Variants in GPR107 observed in about 807,000 individuals in gnomAD.
GPR107 encodes protein GPR107.
In GPR107, 31 loss-of-function variants were observed where a neutral mutation model predicts 75.5. That is an observed-to-expected ratio of 0.41 (90% CI 0.31 to 0.55). The LOEUF (loss-of-function observed/expected upper bound fraction) is 0.55, where lower values mean the gene tolerates loss of function less well. GPR107 is among the 20% of genes least tolerant of loss of function. GPR107 has a pLI of 0.26. For missense variants in GPR107, 572 were observed against 665.7 expected (o/e 0.86, Z 1.55); for synonymous variants, 267 against 251.3 (o/e 1.06, Z -0.59).
Position 130,112,794 on chromosome 9 carries a change from G to A in GPR107, c.1306+5255G>A, listed in dbSNP as rs116618984. 8.1e-3 allele frequency among the ~76,000 whole-genome samples: 1,232 copies of A among 152,108 alleles called. 24 individuals are homozygous for A. Among genetic ancestry groups the A allele is most frequent in the African/African-American group, 0.028 (1,178 of 41,472 alleles). ...AGACAGGGTCTTGCACTGTTGCCCA[G>A]GCTGGAGTCCAGTGGTGTAATCTTG... is the stretch of plus-strand genomic sequence containing the variant. On this transcript the variant is annotated intron_variant, in intron 14 of 17. Transcript: ENST00000347136. This position sits in a 1 kb window ranked among gnomAD's most constrained non-coding sequence, Gnocchi z 4.0.
At chr9:130,093,918 G>A (rs928752420) in intron 9 of GPR107, among the ~76,000 whole-genome samples, 1 of 152,084 alleles carries the variant, frequency 6.6e-6, no homozygotes, top group Non-Finnish European at 1.5e-5. Flanking sequence ...GGGTTCAAGC[G>A]ATTCTGGTGC....
chr9:130,078,053 T>C (rs562959897), intron 4 of GPR107, among the ~76,000 whole-genome samples: 13 of 151,750 alleles, frequency 8.6e-5, no homozygotes, highest in African/African-American at 3.1e-4. Flanking sequence ...TAGTCCCAGC[T>C]ATTCGGGAGG....
intron 14 of GPR107, chr9:130,108,768 G>A (rs1183491333): frequency 2.2e-6 from 1 of 455,866 alleles, no homozygotes; most frequent in Non-Finnish European, 4.4e-6. Flanking sequence ...TCCCCTCAAA[G>A]ATACCAGGTT....
At chr9:130,075,832 G>C in intron 2 of GPR107, 83 bp downstream of exon 2, 3 of 684,110 alleles carry the variant, frequency 4.4e-6, no homozygotes, top group Non-Finnish European at 5.1e-6. Context: ...ACCCAGGCTG[G>C]AGTGCGGTGG....
In GPR107 at chr9:130,138,033, G is replaced by A. The variant is rs1486193499; in HGVS notation, c.*2912G>A. 1 of 152,210 alleles carries A rather than the reference G, an allele frequency of 6.6e-6. No individual in the cohort carries two copies. Among genetic ancestry groups the A allele is most frequent in the Non-Finnish European group, 1.5e-5 (1 of 68,044 alleles). The allele number at this position is 152,210 out of a possible 1,614,324, so 9.4% of individuals were successfully genotyped here. A position where few individuals can be genotyped will look rare whatever the true frequency, so the allele number is the denominator to read the frequency against. On this transcript the variant is annotated 3_prime_UTR_variant, in exon 18 of 18. Transcript: ENST00000347136. ...TAGAAAATTATTTCTTGGACAATAG[G>A]AACAGTCATTGATCTGTAAATCCTG...
At position 130,127,465 on chromosome 9, in the gene GPR107, T is replaced by G. The variant is rs1176416003; in HGVS notation, c.1357-18T>G. On this transcript the variant is annotated intron_variant, in intron 15 of 17. Transcript: ENST00000347136. ...TTTAATGTTGATCTGATTTCCTGTT[T>G]CTTTCCTCCTCATGCAGATTGTGTG... 10 of 1,372,974 alleles carry G rather than the reference T, an allele frequency of 7.3e-6. No homozygotes were observed. Among genetic ancestry groups the G allele is most frequent in the Non-Finnish European group, 8.3e-6 (8 of 963,296 alleles). The allele number at this position is 1,372,974 out of a possible 1,614,324, so 85.0% of individuals were successfully genotyped here.
Position 130,064,604 on chromosome 9 carries a change from A to G in GPR107, c.141+10531A>G, listed in dbSNP as rs1830025682. On this transcript the variant is annotated intron_variant, in intron 1 of 17. Transcript: ENST00000347136. ...GGACATTTCAGGGTAAATGAGTAAG[A>G]GGATGGATCTGTATGTGTTGGGTTG... Among the ~76,000 whole-genome samples the G allele has an allele frequency of 2.0e-5, 3 of 152,214 alleles. No individual in the cohort carries two copies. The South Asian group carries it at 6.2e-4, about 32-fold the overall frequency.
Position 130,075,764 on chromosome 9 carries a change from A to G in GPR107, c.255+15A>G, listed in dbSNP as rs781633378. The G allele has an allele frequency of 8.2e-7, 1 of 1,212,888 alleles. No homozygotes were observed. The highest frequency in any genetic ancestry group is 2.3e-5 in the East Asian group (1 of 42,606). 75.1% of individuals were successfully genotyped at this position (1,212,888 alleles called of 1,614,324 possible). On this transcript the variant is annotated intron_variant, in intron 2 of 17. Transcript: ENST00000347136. ...AGGATGTGACTGTAAGTACCTTTTA[A>G]TGAGATCCAGGGGTTTACTCTTTTT... is the stretch of plus-strand genomic sequence containing the variant.
chr9:130,092,176 T>G, intron 8 of GPR107, 72 bp from the exon 9 acceptor site: 71 of 1,331,946 alleles, frequency 5.3e-5, no homozygotes, highest in Middle Eastern at 1.8e-4. Flanking sequence ...GTGAAACAAC[T>G]GAGATTCCAA....
At chr9:130,077,731 G>A (rs1254533651) in intron 4 of GPR107, among the ~76,000 whole-genome samples, 1 of 152,192 alleles carries the variant, frequency 6.6e-6, no homozygotes, top group Non-Finnish European at 1.5e-5. Context: ...AAGGCAGAGT[G>A]GAAACAAGAC....
intron 13 of GPR107, among the ~76,000 whole-genome samples, chr9:130,106,681 G>C (rs928949112): frequency 2.6e-5 from 4 of 152,096 alleles, no homozygotes; most frequent in African/African-American, 9.7e-5. Context: ...TTCAGGGCCA[G>C]CAGTGTACTG....
At position 130,135,113 on chromosome 9, in the gene GPR107, G is replaced by A. The variant is rs146591948; in HGVS notation, c.1651G>A (p.Ala551Thr). 2.2e-4 allele frequency: 350 copies of A among 1,593,376 alleles called. No homozygotes were observed. In the African/African-American group the frequency reaches 3.8e-3, roughly 18 times the overall value. ...GGAGCCCCAGGGCGAGTGGGAAGGC[G>A]CCGTGTGACAGAGCCGACCCTGAGG... Reference protein sequence around the residue: ...SVEPQGEWEGAV With the variant: ...SVEPQGEWEGTV Residue 551 changes from alanine (A) to threonine (T), a missense_variant, in exon 18 of 18, where the codon GCC (alanine) becomes ACC (threonine). Physicochemically the swap from Ala to Thr is moderately conservative, Grantham distance 58 (BLOSUM62 0). Transcript: ENST00000347136.
chr9:130,131,841 T>C (rs1831834980), intron 17 of GPR107, among the ~76,000 whole-genome samples: 1 of 152,116 alleles, frequency 6.6e-6, no homozygotes, highest in South Asian at 2.1e-4. Context: ...GGCTTTGTGG[T>C]GGCTGACCTC....
intron 13 of GPR107, among the ~76,000 whole-genome samples, chr9:130,105,342 C>T (rs1831133709): frequency 6.6e-6 from 1 of 152,004 alleles, no homozygotes; most frequent in Non-Finnish European, 1.5e-5. Flanking sequence ...CAACCTCTGC[C>T]TCCTGGGTTC....
chr9:130,098,790 T>C (rs1047241138), intron 9 of GPR107, among the ~76,000 whole-genome samples: 3 of 152,078 alleles, frequency 2.0e-5, no homozygotes, highest in Non-Finnish European at 2.9e-5. Flanking sequence ...GGTGGATTAC[T>C]TGAAGTTACA....
chr9:130,075,571 G>T, intron 1 of GPR107, 65 bp from the exon 2 acceptor site: 1 of 866,664 alleles, frequency 1.2e-6, no homozygotes, highest in South Asian at 1.4e-5. Flanking sequence ...TAAAGCAAAT[G>T]AATAGGTTAA....
intron 1 of GPR107, among the ~76,000 whole-genome samples, chr9:130,058,409 TA>T (rs1829843567): frequency 6.6e-6 from 1 of 152,122 alleles, no homozygotes; most frequent in African/African-American, 2.4e-5. Context: ...TCTGTCTCTA[TA>T]AACCTACCCT....
chr9:130,073,023 C>T (rs1029232386), intron 1 of GPR107, among the ~76,000 whole-genome samples: 3 of 152,188 alleles, frequency 2.0e-5, no homozygotes, highest in Non-Finnish European at 4.4e-5. Flanking sequence ...TTACCAAGCC[C>T]CTCCAGAAGC....
chr9:130,072,879 A>C (rs967872582), intron 1 of GPR107, among the ~76,000 whole-genome samples: 1 of 152,244 alleles, frequency 6.6e-6, no homozygotes, highest in Non-Finnish European at 1.5e-5. Context: ...ATTAGAAAAG[A>C]CATACTTTTA....
Sources: gnomAD v4.1 joint callset for allele counts (sites outside exome capture counted in the v4.1 genomes callset) on GRCh38, gnomAD v4.1.1 for gene constraint, Gnocchi (gnomAD v3.1) non-coding constraint, MANE v1.5 for transcripts, NCBI Gene and HGNC (gene_info 2026-07-23, HGNC 2026-07-21) for gene names.